PNP: variants seen among roughly 807,000 people sequenced by gnomAD.
PNP encodes the protein purine nucleoside phosphorylase, also known as HEL-S-156an.
A neutral mutation model predicts 26.8 loss-of-function variants in PNP; 18 were observed. That is an observed-to-expected ratio of 0.67 (90% confidence interval 0.46 to 1.00). PNP has a LOEUF of 1.00. Ranked by LOEUF, PNP falls within the 50% of genes least tolerant of loss-of-function variation. The pLI, the probability that PNP is intolerant of heterozygous loss-of-function variation, is 0.00. For synonymous variants in PNP, 116 were observed against 124.8 expected, an observed-to-expected ratio of 0.93 and a Z score of 0.47; for missense variants, 320 against 362.9, an observed-to-expected ratio of 0.88 and a Z score of 0.96.
intron 2 of PNP, 117 bp from the exon 3 acceptor site, chr14:20,474,355 T>G (rs1232887549): frequency 2.3e-6 from 2 of 856,820 alleles, no homozygotes; most frequent in Non-Finnish European, 3.9e-6. Flanking sequence ...AATGAGTCTT[T>G]TACTTAATTA....
intron 1 of PNP, 74 bp downstream of exon 1, chr14:20,469,609 G>A (rs964768015): frequency 6.5e-7 from 1 of 1,539,678 alleles, no homozygotes; most frequent in African/African-American, 1.4e-5. Context: ...GGCACACTGG[G>A]CCCAGAGGGA....
At position 20,469,545 on chromosome 14, in the gene PNP, G is replaced by A. The variant is rs1470193679; in HGVS notation, c.11+10G>A. The stretch of plus-strand genomic sequence containing the variant: ...AGACCATGGAGAACGGGTGAGGAGG[G>A]CACCAGGCCCGCAGGACCCTTGGGG... On this transcript the variant is annotated intron_variant, in intron 1 of 5. Transcript: ENST00000361505. The A allele has an allele frequency of 2.1e-5, 32 of 1,554,750 alleles. No homozygotes were observed. The highest frequency in any genetic ancestry group is 2.7e-5 in the Non-Finnish European group (31 of 1,149,290).
intron 5 of PNP, among the ~76,000 whole-genome samples, chr14:20,475,714 G>A (rs1316835738): frequency 6.6e-6 from 1 of 152,082 alleles, no homozygotes; most frequent in Admixed American, 6.5e-5. Flanking sequence ...TTGAACTCGC[G>A]ACCTCAGGTA....
intron 5 of PNP, among the ~76,000 whole-genome samples, chr14:20,475,641 C>A (rs542059492): frequency 6.6e-6 from 1 of 152,106 alleles, no homozygotes; most frequent in Non-Finnish European, 1.5e-5. Flanking sequence ...TGTGCCACCA[C>A]GCCCGGTTAA....
chr14:20,476,204 T>G (rs1566526216), intron 5 of PNP, among the ~76,000 whole-genome samples, 180 bp from the exon 6 acceptor site: 1 of 152,206 alleles, frequency 6.6e-6, no homozygotes, highest in Non-Finnish European at 1.5e-5. Context: ...ACTCCCGGGC[T>G]CAAGACATCC....
At chr14:20,469,639 G>A in intron 1 of PNP, 104 bp downstream of exon 1, 2 of 1,443,430 alleles carry the variant, frequency 1.4e-6, no homozygotes, top group Non-Finnish European at 1.9e-6. Flanking sequence ...GGGAGCGAGC[G>A]CCCAGGGGAT....
At chr14:20,474,715 T>G (rs752045709) in intron 3 of PNP, 58 bp from the exon 4 acceptor site, 3 of 1,588,396 alleles carry the variant, frequency 1.9e-6, no homozygotes, top group Non-Finnish European at 2.6e-6. Flanking sequence ...GTCATGCATT[T>G]CAGTGTAGCT....
Position 20,474,965 on chromosome 14 carries a change from G to A in PNP, c.461+17G>A, listed in dbSNP as rs201823744. 223 of 1,613,552 alleles carry A rather than the reference G, an allele frequency of 1.4e-4. No homozygotes were observed. Among genetic ancestry groups the A allele is most frequent in the African/African-American group, 4.8e-4 (36 of 74,934 alleles). On this transcript the variant is annotated intron_variant, in intron 4 of 5. Transcript: ENST00000361505. Reference sequence around the variant, plus strand: ...TGATGAAAGGTATGTATGTTACTCCGTTTTTTTTAGGTGGGTAGGATTTAA... The same window carrying A: ...TGATGAAAGGTATGTATGTTACTCCATTTTTTTTAGGTGGGTAGGATTTAA...
chr14:20,472,412 C>T lies in PNP; in HGVS notation c.116C>T (p.Thr39Ile). 2 of 1,614,070 alleles carry T rather than the reference C, an allele frequency of 1.2e-6. No homozygotes were observed. Among genetic ancestry groups the T allele is most frequent in the Non-Finnish European group, 1.7e-6 (2 of 1,179,912 alleles). Residue 39 changes from threonine to isoleucine, a missense_variant, in exon 2 of 6, where the codon ACT becomes ATT. Thr to Ile is a moderately conservative substitution (Grantham distance 89). Coordinates refer to ENST00000361505, the MANE Select transcript of PNP (RefSeq NM_000270.4). Reference sequence around the variant, plus strand: ...TGTGGTTCTGGATTAGGAGGTCTGACTGATAAATTAACTCAGGCCCAGATC... The same window carrying T: ...TGTGGTTCTGGATTAGGAGGTCTGATTGATAAATTAACTCAGGCCCAGATC... ...IICGSGLGGL[T>I]DKLTQAQIFD...
chr14:20,475,168 G>T lies in PNP; in HGVS notation c.568G>T (p.Gly190Cys). 1 of 1,614,206 alleles carries T rather than the reference G, an allele frequency of 6.2e-7. No homozygotes were observed. Among genetic ancestry groups the T allele is most frequent in the Non-Finnish European group, 8.5e-7 (1 of 1,180,048 alleles). The change falls in exon 5 of 6, where the codon GGC (glycine) becomes TGC (cysteine). Residue 190 changes from glycine to cysteine, a missense_variant. By Grantham distance (159) the Gly-to-Cys change is radical. Coordinates refer to ENST00000361505, the MANE Select transcript of PNP (RefSeq NM_000270.4). ...QMGEQRELQE[G>C]TYVMVAGPSF... Reference sequence around the variant, plus strand: ...GGGGGAGCAACGTGAGCTACAGGAAGGCACCTATGTGATGGTGGCAGGCCC... The same window carrying T: ...GGGGGAGCAACGTGAGCTACAGGAATGCACCTATGTGATGGTGGCAGGCCC...
chr14:20,472,797 T>C (rs980940115), intron 2 of PNP: 1 of 307,502 alleles, frequency 3.3e-6, no homozygotes, highest in Non-Finnish European at 6.1e-6. Flanking sequence ...CTTCTGTTGG[T>C]TTATTTATTA....
At chr14:20,475,435 G>C (rs1012666206) in intron 5 of PNP, among the ~76,000 whole-genome samples, 183 bp downstream of exon 5, 1 of 152,142 alleles carries the variant, frequency 6.6e-6, no homozygotes, top group Non-Finnish European at 1.5e-5. Context: ...ATCTCCCTAC[G>C]AAGCACCAAG....
In PNP at chr14:20,476,602, C is replaced by T; in HGVS notation, c.*1C>T. On this transcript the variant is annotated 3_prime_UTR_variant, in exon 6 of 6. Coordinates refer to ENST00000361505, the MANE Select transcript of PNP (RefSeq NM_000270.4). ...TCCACTCCCTGACAAAGCCAGTTGA[C>T]CTGCCTTGGAGTCGTCTGGCATCTC... 6.2e-7 allele frequency: 1 copy of T among 1,613,868 alleles called. No homozygotes were observed.
At position 20,476,272 on chromosome 14, in the gene PNP, A is replaced by T. The variant is rs1882109092; in HGVS notation, c.653-112A>T. On this transcript the variant is annotated intron_variant, in intron 5 of 5. Coordinates refer to ENST00000361505, the MANE Select transcript of PNP (RefSeq NM_000270.4). ...CAGGTGTGAACCACTGCACCCGGCC[A>T]TCTTTGGATGTTTTTTGAGATTTTT... 7.7e-6 allele frequency: 7 copies of T among 910,926 alleles called. No homozygotes were observed. In the South Asian group the frequency reaches 9.3e-5, roughly 12 times the overall value. 56.4% of individuals were successfully genotyped at this position (910,926 alleles called of 1,614,324 possible). A position where few individuals can be genotyped will look rare whatever the true frequency, so the allele number is the denominator to read the frequency against.
chr14:20,475,314 AAGGAGTAGGAAATAAC>A, intron 5 of PNP, 62 bp downstream of exon 5: 1 of 1,442,402 alleles, frequency 6.9e-7, no homozygotes, highest in Non-Finnish European at 9.6e-7. Flanking sequence ...TGGGAAGGGG[AAGGAGTAGGAAATAAC>A]AGGCCTCATT....
chr14:20,474,324 C>A, intron 2 of PNP, 148 bp from the exon 3 acceptor site: 1 of 715,338 alleles, frequency 1.4e-6, no homozygotes, highest in Non-Finnish European at 2.4e-6. Flanking sequence ...CAGACTTAAA[C>A]TTTCTGAAAG....
intron 2 of PNP, 85 bp downstream of exon 2, chr14:20,472,562 C>A: frequency 1.6e-6 from 2 of 1,238,852 alleles, no homozygotes; most frequent in Non-Finnish European, 2.3e-6. Context: ...AATGTTTCTA[C>A]TCCTTGACCT....
At chr14:20,471,579 T>C (rs1881989318) in intron 1 of PNP, among the ~76,000 whole-genome samples, 1 of 152,150 alleles carries the variant, frequency 6.6e-6, no homozygotes, top group South Asian at 2.1e-4. Context: ...TACAGCAGTT[T>C]ATCTAGTTTT....
At chr14:20,471,197 A>ATTTTTTTTTTTTTTTT (rs397960222) in intron 1 of PNP, among the ~76,000 whole-genome samples, 21 of 90,668 alleles carry the variant, frequency 2.3e-4, no homozygotes, top group African/African-American at 4.3e-4. Flanking sequence ...CGCCCGGCTA[A>ATTTTTTTTTTTTTTTT]TTTTTTTTTT....
Sources: allele counts gnomAD v4.1 joint callset (sites outside exome capture counted in the v4.1 genomes callset), GRCh38; gene constraint gnomAD v4.1.1; transcripts MANE v1.5; gene names NCBI Gene and HGNC (gene_info 2026-07-23, HGNC 2026-07-21).